Variants in PFKFB1 observed in about 807,000 individuals in gnomAD.
PFKFB1 encodes 6-phosphofructo-2-kinase/fructose-2,6-bisphosphatase 1.
A neutral mutation model predicts 46.4 loss-of-function variants in PFKFB1; 34 were observed. The observed-to-expected ratio is 0.73, with a 90% confidence interval of 0.56 to 0.98. The LOEUF (loss-of-function observed/expected upper bound fraction) is 0.98, where lower values mean the gene tolerates loss of function less well. Ranked by LOEUF, PFKFB1 falls within the 50% of genes least tolerant of loss-of-function variation. The probability of loss-of-function intolerance (pLI) is 0.00; values close to 1 mark genes in which losing one functional copy is unlikely to be tolerated. For synonymous variants in PFKFB1, 119 were observed against 133.8 expected (o/e 0.89, Z 0.76); for missense variants, 393 against 376.3 (o/e 1.04, Z -0.37).
upstream of PFKFB1, chrX:54,998,641 T>C (rs2146702885): frequency 9.7e-6 from 4 of 413,147 alleles, no homozygotes; most frequent in East Asian, 1.6e-4. Flanking sequence ...AGAAGCCTTT[T>C]CTCTTCAGTC....
intron 2 of PFKFB1, 141 bp from the exon 3 acceptor site, chrX:54,961,058 AC>A: frequency 2.9e-6 from 1 of 346,274 alleles, no homozygotes; most frequent in Non-Finnish European, 5.3e-6. Flanking sequence ...AATTATGGCT[AC>A]CAGTTTATTT....
intron 9 of PFKFB1, among the ~76,000 whole-genome samples, chrX:54,948,592 T>A (rs1188208286): frequency 8.9e-6 from 1 of 112,134 alleles, no homozygotes; most frequent in African/African-American, 3.2e-5. Context: ...TGCTATTCTT[T>A]CCTTCAATCC....
At chrX:54,936,036 A>G (rs1297271223) in intron 11 of PFKFB1, among the ~76,000 whole-genome samples, 1 of 110,481 alleles carries the variant, frequency 9.1e-6, no homozygotes, top group East Asian at 2.8e-4. Flanking sequence ...TGTTTTTGTC[A>G]TCATCAGGCC....
chrX:54,949,458 G>A (rs1312849673), intron 8 of PFKFB1, among the ~76,000 whole-genome samples: 1 of 107,528 alleles, frequency 9.3e-6, no homozygotes, highest in African/African-American at 3.5e-5. Flanking sequence ...GAGAGAGAGC[G>A]CTTATTTGAC....
chrX:54,969,360 G>A (rs1248310009), intron 1 of PFKFB1, among the ~76,000 whole-genome samples: 3 of 111,653 alleles, frequency 2.7e-5, no homozygotes, highest in Admixed American at 9.5e-5. Flanking sequence ...ACGCACATAA[G>A]CACACTCTCT....
At chrX:54,950,348 G>T (rs1933933633) in intron 8 of PFKFB1, among the ~76,000 whole-genome samples, 1 of 111,534 alleles carries the variant, frequency 9.0e-6, no homozygotes, top group Non-Finnish European at 1.9e-5. Context: ...CCCCTCTCTG[G>T]CCTCATATCC....
rs372795411 is a variant in PFKFB1 at position 54,963,290 on chromosome X, G to A, written c.190C>T (p.Arg64Ter). Residue 64 changes from arginine (R) to a stop codon, truncating the protein, a stop_gained, in exon 2 of 14, where the codon CGA (arginine) becomes TGA (stop). Transcript: ENST00000375006. LOFTEE classifies it high-confidence loss of function. ...GKTYISTKLTRYLNWIGTPTK... is the reference protein window; with the variant it reads ...GKTYISTKLT Reference sequence around the variant, plus strand: ...GGTGTTCCTATCCAGTTGAGATATCGTGTGAGCTTTGTGGAGATATAGGTC... The same window carrying A: ...GGTGTTCCTATCCAGTTGAGATATCATGTGAGCTTTGTGGAGATATAGGTC... 8.3e-6 allele frequency: 10 copies of A among 1,207,579 alleles called. No individual in the cohort carries two copies. Among genetic ancestry groups the A allele is most frequent in the South Asian group, 1.8e-5 (1 of 56,715 alleles).
At chrX:54,950,933 G>A (rs1021027970) in intron 8 of PFKFB1, among the ~76,000 whole-genome samples, 3 of 112,882 alleles carry the variant, frequency 2.7e-5, no homozygotes, top group Non-Finnish European at 3.8e-5. Context: ...CTGCCCTGGG[G>A]CTGCTCTCTG....
chrX:54,936,589 G>C (rs1382570803), intron 11 of PFKFB1, among the ~76,000 whole-genome samples: 1 of 111,644 alleles, frequency 9.0e-6, no homozygotes, highest in Non-Finnish European at 1.9e-5. Context: ...GACAATGGGA[G>C]TTACAGCACC....
chrX:54,956,214 A>T lies in PFKFB1; in HGVS notation c.577T>A (p.Phe193Ile). Residue 193 changes from phenylalanine to isoleucine, a missense_variant, in exon 7 of 14, where the codon TTT (phenylalanine) becomes ATT (isoleucine). Phe to Ile is a conservative substitution (Grantham distance 21, BLOSUM62 0). Transcript: ENST00000375006. ...TCATAGCACTCAATTCTCTTTAGAA[A>T]GTCTTCCAGAACCTTTTCCCGGTCA... ...DCDREKVLED[F>I]LKRIECYEVN... 1 of 1,211,512 alleles carries T rather than the reference A, an allele frequency of 8.3e-7. No individual in the cohort carries two copies. Among genetic ancestry groups the T allele is most frequent in the Non-Finnish European group, 1.1e-6 (1 of 895,292 alleles).
rs72018084 is a variant in PFKFB1 at position 54,945,701 on chromosome X, CGT to C, written c.994-160_994-159del. ...TGCCTGTTGTCCATAAGTGTGTATG[CGT>C]GTGTGTGTGTGTGTGTGCGTGTGTG... On this transcript the variant is annotated intron_variant, in intron 9 of 13. Coordinates refer to ENST00000375006, the MANE Select transcript of PFKFB1 (RefSeq NM_002625.4). Among the ~76,000 whole-genome samples, 226 of 101,554 alleles carry C rather than the reference CGT, an allele frequency of 2.2e-3. 1 individual carries two copies. The highest frequency in any genetic ancestry group is 0.018 in the South Asian group (41 of 2,232). The allele number at this position is 101,554 out of a possible 115,157, so 88.2% of individuals were successfully genotyped here.
At chrX:54,969,552 A>G (rs1934580573) in intron 1 of PFKFB1, among the ~76,000 whole-genome samples, 1 of 112,253 alleles carries the variant, frequency 8.9e-6, no homozygotes, top group Non-Finnish European at 1.9e-5. Context: ...GCCCCAAATT[A>G]TATCAGCAGA....
intron 1 of PFKFB1, among the ~76,000 whole-genome samples, chrX:54,972,062 T>A (rs892270129): frequency 9.0e-6 from 1 of 111,078 alleles, no homozygotes; most frequent in Non-Finnish European, 1.9e-5. Flanking sequence ...ACATCCCTTG[T>A]AAGTTGGATT....
At chrX:54,941,840 C>A (rs967564511) in intron 10 of PFKFB1, among the ~76,000 whole-genome samples, 1 of 111,983 alleles carries the variant, frequency 8.9e-6, no homozygotes, top group Non-Finnish European at 1.9e-5. Context: ...TGTGGCGTCT[C>A]CTCAGGGATC....
Position 54,951,933 on chromosome X carries a change from T to G in PFKFB1, c.818A>C (p.Asp273Ala). 1 of 1,203,978 alleles carries G rather than the reference T, an allele frequency of 8.3e-7. No homozygotes were observed. Among genetic ancestry groups the G allele is most frequent in the Non-Finnish European group, 1.1e-6 (1 of 891,307 alleles). ...ELNIRGRIGG[D>A]SGLSVRGKQY... ...CTTGCCGCGAACTGAGAGGCCAGAG[T>G]CACCTCCGATGCGGCCTCTGATGTT... The change falls in exon 8 of 14, where the codon GAC becomes GCC. Residue 273 changes from aspartate (D) to alanine (A), a missense_variant. Asp to Ala is a moderately radical substitution (Grantham distance 126, BLOSUM62 -2). Transcript: ENST00000375006.
intron 1 of PFKFB1, 70 bp from the exon 2 acceptor site, chrX:54,963,452 T>G: frequency 1.9e-6 from 2 of 1,061,897 alleles, no homozygotes; most frequent in Admixed American, 4.8e-5. Flanking sequence ...AGGCCAGAAA[T>G]GTAGAGTTGT....
At chrX:54,976,010 A>C (rs1934829405) in intron 1 of PFKFB1, among the ~76,000 whole-genome samples, 1 of 111,847 alleles carries the variant, frequency 8.9e-6, no homozygotes, top group Admixed American at 9.5e-5. Flanking sequence ...CTTGGGAGAG[A>C]ATGTAAAATA....
intron 1 of PFKFB1, among the ~76,000 whole-genome samples, chrX:54,972,579 G>C (rs974300325): frequency 9.0e-6 from 1 of 111,482 alleles, no homozygotes; most frequent in Non-Finnish European, 1.9e-5. Context: ...GGCCTTTTCT[G>C]CATCTATTGA....
intron 1 of PFKFB1, among the ~76,000 whole-genome samples, chrX:54,976,112 T>C (rs1934831912): frequency 9.0e-6 from 1 of 111,684 alleles, no homozygotes; most frequent in Non-Finnish European, 1.9e-5. Flanking sequence ...AATTTAAACA[T>C]TTTTATTTAC....
Sources: gnomAD v4.1 joint callset for allele counts (sites outside exome capture counted in the v4.1 genomes callset) on GRCh38, gnomAD v4.1.1 for gene constraint, MANE v1.5 for transcripts, NCBI Gene and HGNC (gene_info 2026-07-23, HGNC 2026-07-21) for gene names.